MEIG1: variants seen among roughly 807,000 people sequenced by gnomAD.
MEIG1 encodes the protein meiosis expressed gene 1 protein homolog.
Under a neutral mutation model 11.3 loss-of-function variants are expected in MEIG1, and 12 were observed. The observed-to-expected ratio is 1.07, with a 90% CI of 0.68 to 1.73. The LOEUF (loss-of-function observed/expected upper bound fraction) is 1.73. Among genes scored for constraint, MEIG1 ranks in the 40% most tolerant of loss-of-function variants. The pLI, the probability that MEIG1 is intolerant of heterozygous loss-of-function variation, is 0.00. For synonymous variants in MEIG1, 41 were observed against 33.2 expected, an observed-to-expected ratio of 1.24 and a Z score of -0.81; for missense variants, 119 against 104.9, an observed-to-expected ratio of 1.13 and a Z score of -0.59.
intron 2 of MEIG1, chr10:14,970,327 C>T (rs1843134411): frequency 6.6e-6 from 1 of 152,166 alleles, no homozygotes. Context: ...TGCCAAGGGA[C>T]ATCAAAAGGA....
chr10:14,985,973 G>A (rs1299081001), intron 1 of MEIG1, among the ~76,000 whole-genome samples: 2 of 151,928 alleles, frequency 1.3e-5, no homozygotes, highest in East Asian at 3.9e-4. Flanking sequence ...ATCACACAGT[G>A]TGCACACCCT....
chr10:14,984,730 G>A (rs1224444438), intron 1 of MEIG1, among the ~76,000 whole-genome samples: 2 of 152,076 alleles, frequency 1.3e-5, no homozygotes, highest in Non-Finnish European at 2.9e-5. Context: ...CTAGGGAAAT[G>A]TGACTTTTAA....
chr10:14,978,451 G>A lies in MEIG1; in HGVS notation n.66+5831G>A, dbSNP rs61844668. ...GTGTGTTCCCCCCATGATATTATTC[G>A]TAATACTCTAGGGAGATGTTACTCC... On this transcript the variant is annotated intron_variant and non_coding_transcript_variant, in intron 1 of 2. Transcript: ENST00000467536. 1.3e-3 allele frequency among the ~76,000 whole-genome samples: 195 copies of A among 151,896 alleles called. 1 individual carries two copies. The highest frequency in any genetic ancestry group is 2.2e-3 in the Non-Finnish European group (147 of 67,904).
At chr10:14,977,599 C>G (rs986182980), downstream of MEIG1, among the ~76,000 whole-genome samples, 1 of 151,262 alleles carries the variant, frequency 6.6e-6, no homozygotes, top group African/African-American at 2.4e-5. Context: ...TGGGGTACAC[C>G]CACTGGGATA....
intron 1 of MEIG1, among the ~76,000 whole-genome samples, chr10:14,979,721 A>G (rs1352268411): frequency 1.3e-5 from 2 of 151,786 alleles, no homozygotes; most frequent in Non-Finnish European, 2.9e-5. Context: ...GGGTGTGTAC[A>G]CCCCTTGATA....
chr10:14,981,552 C>T (rs936218081), intron 1 of MEIG1, among the ~76,000 whole-genome samples: 3 of 152,060 alleles, frequency 2.0e-5, no homozygotes, highest in Non-Finnish European at 4.4e-5. Context: ...CGGTTACTAG[C>T]GAATGTTCAG....
In MEIG1 at chr10:14,969,987, T is replaced by A. The variant is rs113361857; in HGVS notation, c.139-2526T>A. On this transcript the variant is annotated intron_variant, in intron 2 of 2. Coordinates refer to ENST00000407572, the MANE Select transcript of MEIG1 (RefSeq NM_001080836.3). ...CCTTAACAAAAAGAAGCACAGGGATTTAGAGGAAAACAAAATCACTTCCTT... is the reference window on the plus strand; with the variant it reads ...CCTTAACAAAAAGAAGCACAGGGATATAGAGGAAAACAAAATCACTTCCTT... Among the ~76,000 whole-genome samples the A allele has an allele frequency of 4.4e-3, 669 of 152,206 alleles. 8 individuals carry two copies. The highest frequency in any genetic ancestry group is 0.015 in the African/African-American group (637 of 41,524).
At position 14,966,619 on chromosome 10, in the gene MEIG1, T is replaced by A. The variant is rs1388575009; in HGVS notation, c.138+13T>A. ...ACAAGTTTCTATGGTAAGATTTCTG[T>A]CTCTACAAACCTCAACTCGAAATGT... On this transcript the variant is annotated intron_variant, in intron 2 of 2. Coordinates refer to ENST00000407572, the MANE Select transcript of MEIG1 (RefSeq NM_001080836.3). 2.5e-6 allele frequency: 4 copies of A among 1,605,818 alleles called. No homozygotes were observed. In the Admixed American group the frequency reaches 6.8e-5, roughly 27 times the overall value.
chr10:14,959,216 A>C (rs1374226974), upstream of MEIG1, among the ~76,000 whole-genome samples: 1 of 152,214 alleles, frequency 6.6e-6, no homozygotes, highest in South Asian at 2.1e-4. Flanking sequence ...ATCTCTGCTC[A>C]GGGGTGAGCC....
downstream of MEIG1, among the ~76,000 whole-genome samples, chr10:14,973,783 A>AAAAAG (rs1406510889): frequency 2.1e-3 from 321 of 150,266 alleles, 3 homozygotes; most frequent in African/African-American, 7.6e-3. Flanking sequence ...AAAAAAAAAA[A>AAAAAG]AAAGAAAACT....
At chr10:14,955,556 C>A (rs560418008), upstream of MEIG1, among the ~76,000 whole-genome samples, 1 of 151,972 alleles carries the variant, frequency 6.6e-6, no homozygotes, top group Admixed American at 6.6e-5. Flanking sequence ...ATACAAAAAT[C>A]GGCCGGGCAT....
chr10:14,978,495 G>T (rs187522270), intron 1 of MEIG1, among the ~76,000 whole-genome samples: 149 of 151,792 alleles, frequency 9.8e-4, no homozygotes, highest in Middle Eastern at 3.4e-3. Flanking sequence ...TATCACAGGG[G>T]TGCACACCCT....
At chr10:14,966,630 C>T (rs1843087735) in intron 2 of MEIG1, 24 bp downstream of exon 2, 2 of 1,593,516 alleles carry the variant, frequency 1.3e-6, no homozygotes, top group East Asian at 2.3e-5. Context: ...CTCTACAAAC[C>T]TCAACTCGAA....
chr10:14,973,349 G>A (rs1843173542), downstream of MEIG1, among the ~76,000 whole-genome samples: 1 of 152,156 alleles, frequency 6.6e-6, no homozygotes, highest in Non-Finnish European at 1.5e-5. Flanking sequence ...TATGGGTCTT[G>A]TGGCCCAAGG....
chr10:14,964,914 A>G (rs979815150), intron 1 of MEIG1, among the ~76,000 whole-genome samples: 27 of 151,942 alleles, frequency 1.8e-4, no homozygotes, highest in African/African-American at 5.1e-4. Context: ...CAGCCTCCCA[A>G]GTAGTTGGGA....
At chr10:14,955,304 GACA>G (rs1483205211), upstream of MEIG1, among the ~76,000 whole-genome samples, 2 of 152,142 alleles carry the variant, frequency 1.3e-5, no homozygotes, top group Non-Finnish European at 2.9e-5. Context: ...TCTATCTGGC[GACA>G]ACATGTTTGC....
chr10:14,963,349 C>T (rs1464820212), intron 1 of MEIG1, among the ~76,000 whole-genome samples: 2 of 151,488 alleles, frequency 1.3e-5, no homozygotes, highest in Non-Finnish European at 2.9e-5. Context: ...CCCACCTCGG[C>T]CTCCCAAAGT....
upstream of MEIG1, among the ~76,000 whole-genome samples, chr10:14,958,804 G>A (rs776139748): frequency 2.0e-5 from 3 of 152,132 alleles, no homozygotes; most frequent in African/African-American, 4.8e-5. Context: ...GCTGAGGCAG[G>A]AGAATGGCGT....
chr10:14,977,420 AG>A (rs35491976), downstream of MEIG1, among the ~76,000 whole-genome samples: 1 of 151,970 alleles, frequency 6.6e-6, no homozygotes, highest in Admixed American at 6.6e-5. Flanking sequence ...AGTAATATTC[AG>A]GGGGGATGTT....
Sources: gnomAD v4.1 joint callset for allele counts (sites outside exome capture counted in the v4.1 genomes callset) on GRCh38, gnomAD v4.1.1 for gene constraint, MANE v1.5 for transcripts, NCBI Gene and HGNC (gene_info 2026-07-23, HGNC 2026-07-21) for gene names.